The following ADD1 variants were observed in gnomAD, a reference collection of about 807,000 sequenced individuals.
The protein encoded by ADD1 is alpha-adducin.
A neutral mutation model predicts 80.5 loss-of-function variants in ADD1; 24 were observed. The ratio of observed to expected loss-of-function variants is 0.30; its 90% CI spans 0.22 to 0.42. The LOEUF (loss-of-function observed/expected upper bound fraction) is 0.42, where lower values mean the gene tolerates loss of function less well. Among genes scored for constraint, ADD1 ranks in the 10% least tolerant of loss-of-function variants. ADD1 has a pLI of 1.00. For missense variants in ADD1, 948 were observed against 1,019.0 expected (o/e 0.93, Z 0.95); for synonymous variants, 373 against 393.8 (o/e 0.95, Z 0.63).
At chr4:2,884,439 C>A in intron 3 of ADD1, 76 bp from the exon 4 acceptor site, 1 of 1,215,546 alleles carries the variant, frequency 8.2e-7, no homozygotes, top group Non-Finnish European at 1.1e-6. Flanking sequence ...GATCCTCCTG[C>A]CTTAGCCTTC....
intron 14 of ADD1, among the ~76,000 whole-genome samples, chr4:2,921,657 A>G (rs1276615836): frequency 2.0e-5 from 3 of 151,796 alleles, no homozygotes; most frequent in African/African-American, 7.3e-5. Flanking sequence ...GTGTTTCTGT[A>G]TTTCGTGAAT....
intron 1 of ADD1, among the ~76,000 whole-genome samples, chr4:2,875,198 C>T (rs114023102): frequency 0.017 from 2,646 of 152,194 alleles, 56 homozygotes; most frequent in African/African-American, 0.046. Context: ...CACTGCCCTC[C>T]AGCCTCGGTG....
At chr4:2,858,436 T>C (rs918792687) in intron 1 of ADD1, among the ~76,000 whole-genome samples, 1 of 152,142 alleles carries the variant, frequency 6.6e-6, no homozygotes, top group Non-Finnish European at 1.5e-5. Flanking sequence ...GGTTACGCGG[T>C]TTAGTGAACT....
At chr4:2,889,845 A>T (rs1734005546) in intron 4 of ADD1, among the ~76,000 whole-genome samples, 1 of 151,612 alleles carries the variant, frequency 6.6e-6, no homozygotes, top group South Asian at 2.1e-4. Context: ...AAGATACCAT[A>T]AAGACAGTAA....
intron 13 of ADD1, 62 bp downstream of exon 13, chr4:2,909,493 C>A: frequency 1.9e-5 from 21 of 1,101,638 alleles, no homozygotes; most frequent in Non-Finnish European, 2.0e-5. Flanking sequence ...CTCCCCCCTC[C>A]CCGTCTCCTC....
intron 9 of ADD1, chr4:2,900,854 T>A (rs1324412109): frequency 6.6e-6 from 1 of 152,184 alleles, no homozygotes; most frequent in Non-Finnish European, 1.5e-5. Context: ...TGAGGTTGAT[T>A]GCATTAATTG....
chr4:2,917,853 G>T (rs1276515472), intron 14 of ADD1, among the ~76,000 whole-genome samples: 1 of 152,172 alleles, frequency 6.6e-6, no homozygotes, highest in Non-Finnish European at 1.5e-5. Context: ...CATTATTTCT[G>T]AGGCCTCTGT....
chr4:2,925,354 A>G (rs1740790360), intron 14 of ADD1, among the ~76,000 whole-genome samples: 1 of 140,760 alleles, frequency 7.1e-6, no homozygotes, highest in Non-Finnish European at 1.6e-5. Flanking sequence ...TGCTGATCCT[A>G]AGCTATTAAT....
chr4:2,921,953 G>A (rs565129175), intron 14 of ADD1, among the ~76,000 whole-genome samples: 58 of 151,494 alleles, frequency 3.8e-4, no homozygotes, highest in Non-Finnish European at 6.8e-4. Flanking sequence ...TATGCCTCAC[G>A]AAGTTCTCAT....
intron 1 of ADD1, among the ~76,000 whole-genome samples, chr4:2,869,799 C>T (rs1311548533): frequency 1.3e-5 from 2 of 152,198 alleles, no homozygotes; most frequent in Non-Finnish European, 2.9e-5. Flanking sequence ...AGGGAAGATA[C>T]TGCAGAGATC....
At chr4:2,903,240 A>G (rs1399905115) in intron 9 of ADD1, among the ~76,000 whole-genome samples, 2 of 151,968 alleles carry the variant, frequency 1.3e-5, no homozygotes, top group Non-Finnish European at 1.5e-5. Context: ...TTCTCTTGTG[A>G]TGTATTGTGA....
At chr4:2,878,948 G>T (rs553914589) in intron 2 of ADD1, among the ~76,000 whole-genome samples, 4 of 152,128 alleles carry the variant, frequency 2.6e-5, no homozygotes, top group African/African-American at 9.7e-5. Context: ...ATGCTAGGAG[G>T]GGGTGGTTGC....
intron 1 of ADD1, among the ~76,000 whole-genome samples, chr4:2,856,684 T>G (rs995683589): frequency 6.8e-6 from 1 of 147,088 alleles, no homozygotes; most frequent in African/African-American, 2.5e-5. Context: ...CTCCACCTCC[T>G]GGGTTCAAGT....
intron 1 of ADD1, among the ~76,000 whole-genome samples, chr4:2,861,538 T>C (rs990228123): frequency 6.6e-6 from 1 of 152,204 alleles, no homozygotes; most frequent in African/African-American, 2.4e-5. Context: ...TTTGTTGGCA[T>C]TTGGACATAC....
At chr4:2,923,595 TG>T (rs1271834259) in intron 14 of ADD1, among the ~76,000 whole-genome samples, 1 of 152,260 alleles carries the variant, frequency 6.6e-6, no homozygotes, top group East Asian at 1.9e-4. Flanking sequence ...CCATGTTGCC[TG>T]TCACCCTGAC....
intron 14 of ADD1, among the ~76,000 whole-genome samples, chr4:2,925,385 A>G (rs922978946): frequency 6.6e-6 from 1 of 152,190 alleles, no homozygotes; most frequent in African/African-American, 2.4e-5. Flanking sequence ...TGAAATAAAG[A>G]CAGAGATGGA....
chr4:2,901,398 C>T (rs1490650748), intron 9 of ADD1: 2 of 152,122 alleles, frequency 1.3e-5, no homozygotes, highest in Non-Finnish European at 2.9e-5. Flanking sequence ...CAGGTAGAAA[C>T]TCTGATTTGG....
chr4:2,909,386 T>C lies in ADD1; in HGVS notation c.1746T>C (p.Leu582=). ...CGGAAACTATCGAAGGGCTCGAGCT[T>C]ACAGAGCAGACCTTTAGTCCCGCTA... The part of the protein sequence containing the change: ...DCTETIEGLE[L]TEQTFSPAKS... Residue 582 remains leucine, a synonymous_variant, in exon 13 of 16, where the codon CTT becomes CTC. Coordinates refer to ENST00000683351, the MANE Select transcript of ADD1 (RefSeq NM_001354761.2). 6.4e-7 allele frequency: 1 copy of C among 1,550,542 alleles called. No homozygotes were observed. The highest frequency in any genetic ancestry group is 1.7e-4 in the Middle Eastern group (1 of 5,992).
chr4:2,848,288 A>T (rs559884505), intron 1 of ADD1, among the ~76,000 whole-genome samples: 1 of 152,000 alleles, frequency 6.6e-6, no homozygotes, highest in African/African-American at 2.4e-5. Context: ...GTTAATGCTT[A>T]TTCTGGCCTT....
Sources: gnomAD v4.1 joint callset for allele counts (sites outside exome capture counted in the v4.1 genomes callset) on GRCh38, gnomAD v4.1.1 for gene constraint, MANE v1.5 for transcripts, NCBI Gene and HGNC (gene_info 2026-07-23, HGNC 2026-07-21) for gene names.